ARMC8: variants seen among roughly 807,000 people sequenced by gnomAD.
The protein encoded by ARMC8 is armadillo repeat-containing protein 8.
Under a neutral mutation model 99.3 loss-of-function variants are expected in ARMC8, and 20 were observed. The ratio of observed to expected loss-of-function variants is 0.20; its 90% CI spans 0.14 to 0.29. The LOEUF (loss-of-function observed/expected upper bound fraction) is 0.29. Among genes scored for constraint, ARMC8 ranks in the 10% least tolerant of loss-of-function variants. The pLI is 1.00. For synonymous variants in ARMC8, 263 were observed against 278.3 expected, an observed-to-expected ratio of 0.95 and a Z score of 0.55; for missense variants, 569 against 809.5, an observed-to-expected ratio of 0.70 and a Z score of 3.60.
chr3:138,267,419 C>A (rs1342020367), intron 15 of ARMC8, among the ~76,000 whole-genome samples, 178 bp downstream of exon 15: 3 of 152,196 alleles, frequency 2.0e-5, no homozygotes, highest in Non-Finnish European at 2.9e-5. Flanking sequence ...GTACGGTTAT[C>A]ATTTCCCATT....
intron 17 of ARMC8, among the ~76,000 whole-genome samples, chr3:138,273,896 A>C (rs2049016448): frequency 6.6e-6 from 1 of 150,528 alleles, no homozygotes; most frequent in South Asian, 2.1e-4. Flanking sequence ...CGGTCATTGC[A>C]ACCTCCACTT....
chr3:138,193,931 T>TAG (rs1027927961), intron 1 of ARMC8, among the ~76,000 whole-genome samples: 1 of 152,216 alleles, frequency 6.6e-6, no homozygotes, highest in African/African-American at 2.4e-5. Context: ...TTTGTAATGG[T>TAG]AGAGAGGTAA....
At chr3:138,269,045 AAAG>A (rs2048539905) in intron 15 of ARMC8, among the ~76,000 whole-genome samples, 1 of 152,250 alleles carries the variant, frequency 6.6e-6, no homozygotes, top group Admixed American at 6.5e-5. Flanking sequence ...ATGGTTCAGA[AAAG>A]ATAGATAATG....
At chr3:138,271,921 G>C (rs147615172) in intron 16 of ARMC8, among the ~76,000 whole-genome samples, 1 of 151,366 alleles carries the variant, frequency 6.6e-6, no homozygotes, top group South Asian at 2.1e-4. Flanking sequence ...TCAACCTCCT[G>C]AGTAGCTGGG....
At chr3:138,216,813 T>C (rs2045073397) in intron 2 of ARMC8, among the ~76,000 whole-genome samples, 1 of 152,178 alleles carries the variant, frequency 6.6e-6, no homozygotes. Flanking sequence ...GAAATACACA[T>C]AGAGTATTCC....
intron 5 of ARMC8, among the ~76,000 whole-genome samples, chr3:138,226,870 A>C (rs990663190): frequency 4.6e-5 from 7 of 152,210 alleles, no homozygotes; most frequent in African/African-American, 1.7e-4. Flanking sequence ...TTAAATTTAG[A>C]GTATCTAAAT....
intron 16 of ARMC8, 110 bp from the exon 17 acceptor site, chr3:138,272,857 G>T: frequency 9.8e-7 from 1 of 1,023,832 alleles, no homozygotes; most frequent in South Asian, 2.4e-5. Context: ...GGGCGACAGA[G>T]CAAGACTCTG....
chr3:138,204,426 T>C (rs1419749264), intron 1 of ARMC8, among the ~76,000 whole-genome samples: 1 of 152,210 alleles, frequency 6.6e-6, no homozygotes, highest in Non-Finnish European at 1.5e-5. Flanking sequence ...CTCCAATTTA[T>C]TCTGTCTTAA....
intron 12 of ARMC8, chr3:138,246,712 T>G (rs1370083809): frequency 3.0e-6 from 3 of 985,184 alleles, no homozygotes; most frequent in African/African-American, 3.5e-5. Context: ...TAAACTGTTT[T>G]GGAATTAATG....
intron 3 of ARMC8, among the ~76,000 whole-genome samples, chr3:138,222,810 A>G (rs1044348016): frequency 6.6e-6 from 1 of 152,204 alleles, no homozygotes; most frequent in Non-Finnish European, 1.5e-5. Flanking sequence ...GTAGATGGTT[A>G]TAAGTGGAGG....
intron 2 of ARMC8, among the ~76,000 whole-genome samples, chr3:138,220,453 C>G (rs2045330736): frequency 6.6e-6 from 1 of 152,140 alleles, no homozygotes; most frequent in Non-Finnish European, 1.5e-5. Flanking sequence ...AGGCACTGAG[C>G]TAATGGAAGA....
rs2107921263 is a variant in ARMC8, at chr3:138,187,334, C to T, written c.-221C>T. 5 of 507,684 alleles carry T rather than the reference C, an allele frequency of 9.8e-6. No homozygotes were observed. The highest frequency in any genetic ancestry group is 1.8e-5 in the Non-Finnish European group (5 of 284,058). 31.4% of individuals were successfully genotyped at this position (507,684 alleles called of 1,614,324 possible). A position where few individuals can be genotyped will look rare whatever the true frequency, so the allele number is the denominator to read the frequency against. Reference sequence around the variant, plus strand: ...CTCTAACCCAGGCTCAGAGTAGCTGCTGTTTCTGAGAGAACGATTCGTAGG... The same window carrying T: ...CTCTAACCCAGGCTCAGAGTAGCTGTTGTTTCTGAGAGAACGATTCGTAGG... On this transcript the variant is annotated 5_prime_UTR_variant, in exon 1 of 22. Transcript: ENST00000469044.
At chr3:138,206,031 C>A (rs1375493866) in intron 1 of ARMC8, among the ~76,000 whole-genome samples, 1 of 152,086 alleles carries the variant, frequency 6.6e-6, no homozygotes, top group African/African-American at 2.4e-5. Context: ...ACAAGTAAAG[C>A]AAAATATTAT....
chr3:138,232,764 A>G (rs1040183538), intron 6 of ARMC8, among the ~76,000 whole-genome samples: 2 of 152,234 alleles, frequency 1.3e-5, no homozygotes, highest in South Asian at 2.1e-4. Context: ...GGAAGAATAT[A>G]TTTACGTATC....
At chr3:138,246,246 G>A (rs778463450) in intron 12 of ARMC8, 8 of 985,572 alleles carry the variant, frequency 8.1e-6, no homozygotes, top group Non-Finnish European at 8.4e-6. Context: ...AATGCAAAAA[G>A]CACAACTAAT....
intron 1 of ARMC8, among the ~76,000 whole-genome samples, chr3:138,208,580 C>G (rs747653716): frequency 3.8e-4 from 58 of 152,158 alleles, no homozygotes; most frequent in Non-Finnish European, 6.6e-4. Flanking sequence ...TAAGCTGGTA[C>G]TGTGTCTTGG....
At chr3:138,244,552 A>G (rs1460483639) in intron 11 of ARMC8, among the ~76,000 whole-genome samples, 4 of 152,324 alleles carry the variant, frequency 2.6e-5, no homozygotes, top group South Asian at 2.1e-4. Flanking sequence ...TGCTGGGATT[A>G]CAGGCGTGAG....
chr3:138,193,247 G>A (rs2043495933), intron 1 of ARMC8, among the ~76,000 whole-genome samples: 1 of 151,968 alleles, frequency 6.6e-6, no homozygotes, highest in African/African-American at 2.4e-5. Context: ...GGGATTACAG[G>A]TGTGAGCCAC....
intron 5 of ARMC8, among the ~76,000 whole-genome samples, chr3:138,228,205 CCT>C (rs2045795187): frequency 6.6e-6 from 1 of 152,240 alleles, no homozygotes; most frequent in South Asian, 2.1e-4. Context: ...GTCCCAAACT[CCT>C]TACCTGAGGA....
Sources: gnomAD v4.1 joint callset for allele counts (sites outside exome capture counted in the v4.1 genomes callset) on GRCh38, gnomAD v4.1.1 for gene constraint, MANE v1.5 for transcripts, NCBI Gene and HGNC (gene_info 2026-07-23, HGNC 2026-07-21) for gene names.